Variants in SLC24A1 observed in about 807,000 individuals in gnomAD.
SLC24A1 encodes the protein solute carrier family 24 member 1, also known as sodium/potassium/calcium exchanger 1.
Under a neutral mutation model 88.1 loss-of-function variants are expected in SLC24A1, and 52 were observed. The ratio of observed to expected loss-of-function variants is 0.59; its 90% CI spans 0.47 to 0.74. SLC24A1 has a LOEUF of 0.74. SLC24A1 is among the 30% of genes least tolerant of loss of function. The pLI, the probability that SLC24A1 is intolerant of heterozygous loss-of-function variation, is 0.00. For missense variants in SLC24A1, 1,173 were observed against 1,363.3 expected (o/e 0.86, Z 2.20); for synonymous variants, 455 against 498.0 (o/e 0.91, Z 1.15).
At chr15:65,648,191 C>T (rs566213594) in intron 6 of SLC24A1, among the ~76,000 whole-genome samples, 8 of 152,072 alleles carry the variant, frequency 5.3e-5, no homozygotes, top group South Asian at 2.1e-4. Flanking sequence ...ACCCGGGAGG[C>T]GGAGCTTGCA....
At chr15:65,653,235 ATCC>A (rs2075562438) in intron 9 of SLC24A1, among the ~76,000 whole-genome samples, 1 of 152,140 alleles carries the variant, frequency 6.6e-6, no homozygotes, top group African/African-American at 2.4e-5. Context: ...CAAATGCCTT[ATCC>A]TCCTGTACCC....
chr15:65,624,292 AGAT>A lies in SLC24A1; in HGVS notation c.224_226del (p.Met75del), dbSNP rs756442926. 1.4e-5 allele frequency: 22 copies of A among 1,613,630 alleles called. No individual in the cohort carries two copies. In the African/African-American group the frequency reaches 1.9e-4, roughly 14 times the overall value. On this transcript the variant is annotated inframe_deletion, in exon 2 of 10. Coordinates refer to ENST00000261892, the MANE Select transcript of SLC24A1 (RefSeq NM_004727.3). ...GCCAGTCGGGACCTCTCCAGTGAAGAGATGATGATGATGAGCAGCAGCCCTTCA... is the reference window on the plus strand; with the variant it reads ...GCCAGTCGGGACCTCTCCAGTGAAGAGATGATGATGAGCAGCAGCCCTTCA...
At chr15:65,633,605 A>G (rs1359094645) in intron 2 of SLC24A1, among the ~76,000 whole-genome samples, 1 of 152,212 alleles carries the variant, frequency 6.6e-6, no homozygotes. Flanking sequence ...GGTTGTGGTG[A>G]GCCAAGATCT....
intron 9 of SLC24A1, 149 bp downstream of exon 9, chr15:65,652,957 C>G: frequency 1.7e-6 from 1 of 594,858 alleles, no homozygotes. Context: ...AAAATATCTT[C>G]CCTTCATTCA....
chr15:65,643,100 G>A (rs1235604067), intron 4 of SLC24A1: 2 of 1,044,950 alleles, frequency 1.9e-6, no homozygotes, highest in East Asian at 1.2e-4. Context: ...CTTTCTAGGT[G>A]CCAGACACTG....
In SLC24A1 at chr15:65,652,692, T is replaced by C; in HGVS notation, c.2934T>C (p.Leu978=). The C allele has an allele frequency of 1.2e-6, 2 of 1,613,964 alleles. No individual in the cohort carries two copies. Among genetic ancestry groups the C allele is most frequent in the Non-Finnish European group, 1.7e-6 (2 of 1,179,850 alleles). ...AAGAGATCATGGGCCTGACAATCCT[T>C]GCAGCAGGCACATCAATTCCTGACC... ...ISEEIMGLTI[L]AAGTSIPDLI... Residue 978 remains leucine, a synonymous_variant, in exon 9 of 10, where the codon CTT becomes CTC. Transcript: ENST00000261892.
At chr15:65,644,055 A>C (rs2075223474) in intron 4 of SLC24A1, 1 of 229,072 alleles carries the variant, frequency 4.4e-6, no homozygotes, top group African/African-American at 2.2e-5. Flanking sequence ...AGTTTGGGTC[A>C]GAGTCCTTCT....
Position 65,654,280 on chromosome 15 carries a change from C to T in SLC24A1, c.*201C>T, listed in dbSNP as rs1482545831. The T allele has an allele frequency of 6.5e-6, 9 of 1,384,726 alleles. No homozygotes were observed. The highest frequency in any genetic ancestry group is 7.4e-6 in the Non-Finnish European group (8 of 1,074,702). 85.8% of individuals were successfully genotyped at this position (1,384,726 alleles called of 1,614,324 possible). On this transcript the variant is annotated 3_prime_UTR_variant, in exon 10 of 10. Transcript: ENST00000261892. ...TCATTGTGGATTAAGAACCTCACCCCTGGAGGGGTGGAGTTTCTACCCCTG... is the reference window on the plus strand; with the variant it reads ...TCATTGTGGATTAAGAACCTCACCCTTGGAGGGGTGGAGTTTCTACCCCTG...
intron 8 of SLC24A1, chr15:65,652,130 T>C: frequency 2.8e-6 from 1 of 363,256 alleles, no homozygotes; most frequent in Non-Finnish European, 5.3e-6. Flanking sequence ...TTAGTCTTCC[T>C]CTGAGTACCT....
chr15:65,654,945 G>A lies in SLC24A1; in HGVS notation c.*866G>A, dbSNP rs1414164040. ...AAGGAGGACTACATTAACTCTTATT[G>A]TTGTGTTTCTGAAAAGTGAAATTTA... On this transcript the variant is annotated 3_prime_UTR_variant, in exon 10 of 10. Transcript: ENST00000261892. 2.0e-6 allele frequency: 2 copies of A among 1,016,644 alleles called. No individual in the cohort carries two copies. The highest frequency in any genetic ancestry group is 1.7e-5 in the African/African-American group (1 of 57,388). The allele number at this position is 1,016,644 out of a possible 1,614,324, so 63.0% of individuals were successfully genotyped here.
intron 2 of SLC24A1, among the ~76,000 whole-genome samples, chr15:65,615,467 G>T (rs2074107033): frequency 6.6e-6 from 1 of 152,182 alleles, no homozygotes; most frequent in African/African-American, 2.4e-5. Context: ...TAGATCACTT[G>T]AGGTCAGGTG....
chr15:65,617,736 T>A (rs1234927504), upstream of SLC24A1, among the ~76,000 whole-genome samples: 1 of 152,200 alleles, frequency 6.6e-6, no homozygotes, highest in Non-Finnish European at 1.5e-5. Flanking sequence ...CTTGCCTGAT[T>A]GCAAGTGTTG....
intron 2 of SLC24A1, among the ~76,000 whole-genome samples, chr15:65,636,740 G>A (rs978602739): frequency 3.9e-5 from 6 of 151,980 alleles, no homozygotes; most frequent in African/African-American, 1.5e-4. Flanking sequence ...GCCGGATATG[G>A]TGGCAAACAC....
At chr15:65,635,446 C>CA (rs56960432) in intron 2 of SLC24A1, among the ~76,000 whole-genome samples, 13,084 of 56,832 alleles carry the variant, frequency 0.23, 1,450 homozygotes, top group African/African-American at 0.27. Flanking sequence ...ACTCCGTCTC[C>CA]AAAAAAAAAA....
chr15:65,637,365 G>A (rs1456590877), intron 2 of SLC24A1, among the ~76,000 whole-genome samples: 1 of 151,762 alleles, frequency 6.6e-6, no homozygotes, highest in Non-Finnish European at 1.5e-5. Context: ...CTGAAGGGAG[G>A]GTGGGAGGGG....
Position 65,655,456 on chromosome 15 carries a change from A to C in SLC24A1, c.*1377A>C. ...AGGTAGCTAGTGTAAAGGACACTTG[A>C]GTTTTTAAAACTGTGGTTAAATGTT... On this transcript the variant is annotated 3_prime_UTR_variant, in exon 10 of 10. Coordinates refer to ENST00000261892, the MANE Select transcript of SLC24A1 (RefSeq NM_004727.3). The C allele has an allele frequency of 2.0e-6, 2 of 985,246 alleles. No individual in the cohort carries two copies. Among genetic ancestry groups the C allele is most frequent in the African/African-American group, 3.5e-5 (2 of 57,240 alleles). The allele number at this position is 985,246 out of a possible 1,614,324, so 61.0% of individuals were successfully genotyped here.
Position 65,644,532 on chromosome 15 carries a change from C to T in SLC24A1, c.2140+19C>T, listed in dbSNP as rs929199449. ...CCAGAAGGTGAGAGGATGGCCAGACCAGTGGGTTTTCTCCTGCCCCCCTCT... is the reference window on the plus strand; with the variant it reads ...CCAGAAGGTGAGAGGATGGCCAGACTAGTGGGTTTTCTCCTGCCCCCCTCT... On this transcript the variant is annotated intron_variant, in intron 5 of 9. Coordinates refer to ENST00000261892, the MANE Select transcript of SLC24A1 (RefSeq NM_004727.3). The T allele has an allele frequency of 5.8e-6, 9 of 1,543,100 alleles. No individual in the cohort carries two copies. In the African/African-American group the frequency reaches 1.2e-4, roughly 21 times the overall value.
chr15:65,623,863 G>C (rs1029447146), intron 1 of SLC24A1, 92 bp from the exon 2 acceptor site: 6 of 494,878 alleles, frequency 1.2e-5, no homozygotes, highest in African/African-American at 9.7e-5. Flanking sequence ...TGTGTTCCTG[G>C]GGCTTCTATT....
At chr15:65,618,157 A>G (rs2074208382), upstream of SLC24A1, among the ~76,000 whole-genome samples, 1 of 152,198 alleles carries the variant, frequency 6.6e-6, no homozygotes, top group Non-Finnish European at 1.5e-5. Flanking sequence ...TTTATTCTAT[A>G]TCTATTGGTG....
Sources: gnomAD v4.1 joint callset for allele counts (sites outside exome capture counted in the v4.1 genomes callset) on GRCh38, gnomAD v4.1.1 for gene constraint, MANE v1.5 for transcripts, NCBI Gene and HGNC (gene_info 2026-07-23, HGNC 2026-07-21) for gene names.